Variants in MOK observed in about 807,000 individuals in gnomAD.
The protein encoded by MOK is MAPK/MAK/MRK overlapping kinase.
In MOK, 59 loss-of-function variants were observed where a neutral mutation model predicts 54.2. The observed-to-expected ratio is 1.09, with a 90% CI of 0.88 to 1.35. The LOEUF (loss-of-function observed/expected upper bound fraction) is 1.35, where lower values mean the gene tolerates loss of function less well. Ranked by LOEUF, MOK falls within the 40% of genes most tolerant of loss-of-function variation. The pLI, the probability that MOK is intolerant of heterozygous loss-of-function variation, is 0.00. For missense variants in MOK, 517 were observed against 526.2 expected, an observed-to-expected ratio of 0.98 and a Z score of 0.17; for synonymous variants, 210 against 202.7, an observed-to-expected ratio of 1.04 and a Z score of -0.31.
chr14:102,262,664 AAT>A (rs2067575445), intron 4 of MOK, among the ~76,000 whole-genome samples: 1 of 152,254 alleles, frequency 6.6e-6, no homozygotes, highest in Non-Finnish European at 1.5e-5. Context: ...CCATCACAAA[AAT>A]AGTTTATCAA....
chr14:102,281,076 C>T (rs2069370123), intron 2 of MOK, among the ~76,000 whole-genome samples: 1 of 152,112 alleles, frequency 6.6e-6, no homozygotes, highest in Admixed American at 6.6e-5. Context: ...GTAATCCCTG[C>T]ACTTTGGGAG....
At chr14:102,248,796 A>C (rs1401097011) in intron 7 of MOK, among the ~76,000 whole-genome samples, 1 of 151,372 alleles carries the variant, frequency 6.6e-6, no homozygotes, top group Non-Finnish European at 1.5e-5. Flanking sequence ...AAAAAAAAAA[A>C]ACCAACCCCA....
intron 2 of MOK, chr14:102,278,463 T>C (rs1334612712): frequency 7.7e-6 from 2 of 258,852 alleles, no homozygotes; most frequent in African/African-American, 2.2e-5. Flanking sequence ...AGCAGACTTT[T>C]TGTTTTTGTA....
At position 102,292,494 on chromosome 14, in the gene MOK, C is replaced by A. The variant is rs552693944; in HGVS notation, c.8-8902G>T. On this transcript the variant is annotated intron_variant, in intron 1 of 11. Coordinates refer to ENST00000361847, the MANE Select transcript of MOK (RefSeq NM_014226.3). ...TCTCAAAAAACAAAACAAAACAAAA[C>A]AAAACAAAAAAACAACTAATTATGG... Among the ~76,000 whole-genome samples the A allele has an allele frequency of 2.6e-5, 4 of 151,848 alleles. No homozygotes were observed. The South Asian group carries it at 8.3e-4, about 32-fold the overall frequency.
At chr14:102,237,059 T>G (rs1597288336) in intron 7 of MOK, among the ~76,000 whole-genome samples, 1 of 152,180 alleles carries the variant, frequency 6.6e-6, no homozygotes, top group Non-Finnish European at 1.5e-5. Context: ...CCCTGCACCC[T>G]GATTCCCAAA....
the MOK span, among the ~76,000 whole-genome samples, chr14:102,216,521 G>A: frequency 6.6e-6 from 1 of 152,190 alleles, no homozygotes. Flanking sequence ...CTAGCACTGA[G>A]TAGATTTTAA....
chr14:102,244,264 T>C (rs1219186095), intron 7 of MOK, among the ~76,000 whole-genome samples: 1 of 152,162 alleles, frequency 6.6e-6, no homozygotes, highest in Non-Finnish European at 1.5e-5. Context: ...TGGCAGTTTT[T>C]CTCCTTCTCA....
At position 102,245,678 on chromosome 14, in the gene MOK, G is replaced by A. The variant is rs2066038912; in HGVS notation, c.590+5134C>T. Among the ~76,000 whole-genome samples the A allele has an allele frequency of 6.6e-6, 1 of 151,592 alleles. No homozygotes were observed. The highest frequency in any genetic ancestry group is 1.5e-5 in the Non-Finnish European group (1 of 67,968). ...ATCTCCCTTCGATGATTCTCTTTTC[G>A]GACTCAGCCCGCCTGCACCCAGGTG... On this transcript the variant is annotated intron_variant, in intron 7 of 11. Coordinates refer to ENST00000361847, the MANE Select transcript of MOK (RefSeq NM_014226.3). The surrounding 1 kb of genome is among the most constrained non-coding windows in gnomAD (Gnocchi z 4.3).
intron 1 of MOK, among the ~76,000 whole-genome samples, chr14:102,284,879 C>G (rs2069855102): frequency 6.6e-6 from 1 of 152,028 alleles, no homozygotes; most frequent in African/African-American, 2.4e-5. Flanking sequence ...GTCAGGAGTT[C>G]CAGACCAGCC....
intron 7 of MOK, among the ~76,000 whole-genome samples, chr14:102,248,569 G>C (rs1481283815): frequency 6.6e-6 from 1 of 152,024 alleles, no homozygotes; most frequent in Non-Finnish European, 1.5e-5. Flanking sequence ...ACGAGGTCAG[G>C]AGATCAAGAC....
At chr14:102,239,676 C>G (rs1023520594) in intron 7 of MOK, among the ~76,000 whole-genome samples, 11 of 152,192 alleles carry the variant, frequency 7.2e-5, no homozygotes, top group South Asian at 4.1e-4. Context: ...TGAGACCATC[C>G]TGGCCAACAT....
intron 7 of MOK, among the ~76,000 whole-genome samples, chr14:102,239,889 CA>C (rs201282389): frequency 6.6e-6 from 1 of 150,826 alleles, no homozygotes; most frequent in Non-Finnish European, 1.5e-5. Flanking sequence ...AAAAATCAAA[CA>C]AAAAAAAACC....
intron 1 of MOK, among the ~76,000 whole-genome samples, chr14:102,290,899 T>C (rs932687642): frequency 1.3e-5 from 2 of 152,086 alleles, no homozygotes; most frequent in African/African-American, 2.4e-5. Flanking sequence ...GGGTGTGAGA[T>C]ACAACCAGAG....
downstream of MOK, chr14:102,222,691 G>A (rs2064050687): frequency 1.2e-6 from 1 of 809,926 alleles, no homozygotes; most frequent in East Asian, 2.6e-5. This position sits in a 1 kb window ranked among gnomAD's most constrained non-coding sequence, Gnocchi z 4.4. Context: ...AATAGATGAA[G>A]TGGAGGGTTT....
rs1454150978 is a variant in MOK, at chr14:102,236,703, C to T, written c.591-2914G>A. On this transcript the variant is annotated intron_variant, in intron 7 of 11. Transcript: ENST00000361847. The surrounding 1 kb of genome is among the most constrained non-coding windows in gnomAD (Gnocchi z 4.5). ...GACACCACCACCCCTTCCCTAGCTA[C>T]TCACCACGACCCCATCAAAATCCAG... Among the ~76,000 whole-genome samples the T allele has an allele frequency of 6.6e-6, 1 of 151,922 alleles. No individual in the cohort carries two copies. Among genetic ancestry groups the T allele is most frequent in the East Asian group, 1.9e-4 (1 of 5,180 alleles).
chr14:102,218,970 AAAGG>A, the MOK span, among the ~76,000 whole-genome samples: 1 of 152,172 alleles, frequency 6.6e-6, no homozygotes, highest in Non-Finnish European at 1.5e-5. Flanking sequence ...TCTCCCATGA[AAAGG>A]AAGCAGAAGG....
intron 1 of MOK, among the ~76,000 whole-genome samples, chr14:102,298,522 C>T (rs753134606): frequency 1.1e-4 from 17 of 152,160 alleles, no homozygotes; most frequent in Non-Finnish European, 2.2e-4. Flanking sequence ...GCTGATCTCA[C>T]GGGGACTTGG....
chr14:102,289,709 C>G (rs555611018), intron 1 of MOK, among the ~76,000 whole-genome samples: 1 of 152,010 alleles, frequency 6.6e-6, no homozygotes, highest in East Asian at 1.9e-4. Context: ...AGGCTGGTCT[C>G]GAACTCCTAA....
At chr14:102,278,738 G>A in intron 2 of MOK, 1 of 456,130 alleles carries the variant, frequency 2.2e-6, no homozygotes, top group South Asian at 1.5e-5. Context: ...GCCGCAGTGA[G>A]GATTCAATGA....
Sources: allele counts gnomAD v4.1 joint callset (sites outside exome capture counted in the v4.1 genomes callset), GRCh38; gene constraint gnomAD v4.1.1; non-coding constraint Gnocchi (gnomAD v3.1); transcripts MANE v1.5; gene names NCBI Gene and HGNC (gene_info 2026-07-23, HGNC 2026-07-21).